NEK1: variants seen among roughly 807,000 people sequenced by gnomAD.
NEK1 encodes NIMA related kinase 1.
Under a neutral mutation model 182.1 loss-of-function variants are expected in NEK1, and 137 were observed. The ratio of observed to expected loss-of-function variants is 0.75; its 90% confidence interval spans 0.65 to 0.87. NEK1 has a LOEUF of 0.87. Among genes scored for constraint, NEK1 ranks in the 40% least tolerant of loss-of-function variants. The pLI is 0.00. For synonymous variants in NEK1, 513 were observed against 492.2 expected, an observed-to-expected ratio of 1.04 and a Z score of -0.56; for missense variants, 1,391 against 1,494.4, an observed-to-expected ratio of 0.93 and a Z score of 1.14.
intron 10 of NEK1, among the ~76,000 whole-genome samples, chr4:169,583,526 C>T (rs138828467): frequency 6.6e-6 from 1 of 152,154 alleles, no homozygotes; most frequent in East Asian, 1.9e-4. Context: ...ACAATCTACC[C>T]TTGTTTCTTT....
chr4:169,482,672 C>T (rs184449259), intron 23 of NEK1, among the ~76,000 whole-genome samples: 104 of 151,764 alleles, frequency 6.9e-4, no homozygotes, highest in Non-Finnish European at 1.2e-3. Context: ...CTTGTACTGT[C>T]GCCCAGGCTG....
In NEK1 at chr4:169,571,175, T is replaced by TAAAAAAAA. The variant is rs1404754952; in HGVS notation, c.1020+5752_1020+5753insTTTTTTTT. 4.6e-4 allele frequency among the ~76,000 whole-genome samples: 48 copies of TAAAAAAAA among 104,868 alleles called. 1 individual carries two copies. Among genetic ancestry groups the TAAAAAAAA allele is most frequent in the Middle Eastern group, 9.7e-3 (2 of 206 alleles). 68.8% of individuals were successfully genotyped at this position (104,868 alleles called of 152,430 possible). A position where few individuals can be genotyped will look rare whatever the true frequency, so the allele number is the denominator to read the frequency against. On this transcript the variant is annotated intron_variant, in intron 12 of 35. Coordinates refer to ENST00000507142, the MANE Select transcript of NEK1 (RefSeq NM_001199397.3). ...GCGAGAAACACCCAAGAATGATCAA[T>TAAAAAAAA]AAAAAAATAAATAAATAAATAAATA...
chr4:169,400,142 G>C, intron 35 of NEK1, 83 bp downstream of exon 35: 1 of 1,287,854 alleles, frequency 7.8e-7, no homozygotes, highest in Non-Finnish European at 1.1e-6. Flanking sequence ...AAATGGATGT[G>C]ATGTAAGCTG....
intron 18 of NEK1, among the ~76,000 whole-genome samples, chr4:169,541,990 A>G (rs1015462382): frequency 3.3e-5 from 5 of 152,086 alleles, no homozygotes; most frequent in Admixed American, 3.3e-4. Flanking sequence ...TGCTCCTTTA[A>G]CCATGATTTC....
intron 23 of NEK1, among the ~76,000 whole-genome samples, chr4:169,483,177 T>G (rs1480520675): frequency 2.0e-5 from 3 of 152,088 alleles, no homozygotes; most frequent in Non-Finnish European, 4.4e-5. Flanking sequence ...ATCTGAGGAG[T>G]GAGACAGGGG....
chr4:169,609,449 T>C (rs1049315940), intron 2 of NEK1, among the ~76,000 whole-genome samples: 8 of 152,216 alleles, frequency 5.3e-5, no homozygotes, highest in African/African-American at 1.9e-4. Context: ...ATCATTCACA[T>C]ACAGTCAACA....
In NEK1 at chr4:169,394,094, A is replaced by G. The variant is rs1263365866; in HGVS notation, c.*416T>C. ...AATGAAAACAAGTACTAGACAGAAA[A>G]AAGATCATGCTTAAAGACTCCATTG... On this transcript the variant is annotated 3_prime_UTR_variant, in exon 36 of 36. Coordinates refer to ENST00000507142, the MANE Select transcript of NEK1 (RefSeq NM_001199397.3). 1.3e-5 allele frequency: 2 copies of G among 158,488 alleles called. No individual in the cohort carries two copies. The highest frequency in any genetic ancestry group is 4.8e-5 in the African/African-American group (2 of 41,528). 9.8% of individuals were successfully genotyped at this position (158,488 alleles called of 1,614,324 possible).
chr4:169,605,820 T>C (rs1771242906), intron 2 of NEK1, among the ~76,000 whole-genome samples: 1 of 152,202 alleles, frequency 6.6e-6, no homozygotes, highest in South Asian at 2.1e-4. Context: ...TCAATCTCTA[T>C]AATACATAGC....
intron 18 of NEK1, among the ~76,000 whole-genome samples, chr4:169,543,922 T>C (rs13434679): frequency 0.089 from 13,546 of 152,254 alleles, 790 homozygotes; most frequent in African/African-American, 0.16. Flanking sequence ...ATCCATGTTA[T>C]CTGCAAACAG....
At chr4:169,604,284 T>G (rs1374511792) in intron 2 of NEK1, among the ~76,000 whole-genome samples, 1 of 152,208 alleles carries the variant, frequency 6.6e-6, no homozygotes, top group African/African-American at 2.4e-5. Context: ...TCTTTAGGAA[T>G]AGTAATTTCA....
chr4:169,563,796 G>C (rs1157179491), intron 12 of NEK1, among the ~76,000 whole-genome samples: 2 of 152,176 alleles, frequency 1.3e-5, no homozygotes, highest in South Asian at 4.1e-4. Flanking sequence ...ACAAAAGTTA[G>C]TGTTAAGTTT....
At chr4:169,587,634 A>G in intron 8 of NEK1, 21 bp from the exon 9 acceptor site, 1 of 1,484,296 alleles carries the variant, frequency 6.7e-7, no homozygotes, top group Non-Finnish European at 9.2e-7. Flanking sequence ...TAAAAATGAG[A>G]AATTTCCTCT....
chr4:169,561,330 A>AT, intron 16 of NEK1, 150 bp downstream of exon 16: 1 of 678,538 alleles, frequency 1.5e-6, no homozygotes, highest in Non-Finnish European at 2.6e-6. Flanking sequence ...CAGGAAAGCT[A>AT]AGTATTCATA....
intron 26 of NEK1, among the ~76,000 whole-genome samples, chr4:169,475,768 T>G (rs1403347838): frequency 6.6e-6 from 1 of 152,012 alleles, no homozygotes; most frequent in African/African-American, 2.4e-5. Flanking sequence ...GAAAAACAAC[T>G]CCTTAAACTT....
chr4:169,606,856 T>C (rs1771429747), intron 2 of NEK1, among the ~76,000 whole-genome samples: 1 of 152,222 alleles, frequency 6.6e-6, no homozygotes, highest in Non-Finnish European at 1.5e-5. Flanking sequence ...ATTGAGGGGC[T>C]ATAATCACCG....
chr4:169,581,107 A>C (rs1460006067), intron 10 of NEK1, among the ~76,000 whole-genome samples: 2 of 147,548 alleles, frequency 1.4e-5, no homozygotes, highest in Non-Finnish European at 3.0e-5. Flanking sequence ...CCAGCACTTT[A>C]GGAGGCTGAG....
At chr4:169,470,057 C>T (rs746478559) in intron 26 of NEK1, among the ~76,000 whole-genome samples, 1 of 151,420 alleles carries the variant, frequency 6.6e-6, no homozygotes, top group Non-Finnish European at 1.5e-5. Context: ...ATACAGCACA[C>T]TGATGAGTCT....
At chr4:169,509,080 C>A (rs1753776123) in intron 19 of NEK1, among the ~76,000 whole-genome samples, 1 of 152,070 alleles carries the variant, frequency 6.6e-6, no homozygotes, top group Admixed American at 6.6e-5. Flanking sequence ...AAAACAGAGA[C>A]CAGCTATCTT....
At chr4:169,538,587 T>A (rs1758870370) in intron 18 of NEK1, among the ~76,000 whole-genome samples, 1 of 152,174 alleles carries the variant, frequency 6.6e-6, no homozygotes, top group African/African-American at 2.4e-5. Context: ...TACTATATAT[T>A]GTGTTAGTTA....
Sources: gnomAD v4.1 joint callset for allele counts (sites outside exome capture counted in the v4.1 genomes callset) on GRCh38, gnomAD v4.1.1 for gene constraint, MANE v1.5 for transcripts, NCBI Gene and HGNC (gene_info 2026-07-23, HGNC 2026-07-21) for gene names.